DOCK1: variants seen among roughly 807,000 people sequenced by gnomAD.
The protein encoded by DOCK1 is dedicator of cytokinesis protein 1.
Under a neutral mutation model 262.7 loss-of-function variants are expected in DOCK1, and 138 were observed. The ratio of observed to expected loss-of-function variants is 0.53; its 90% confidence interval spans 0.46 to 0.61. The LOEUF (loss-of-function observed/expected upper bound fraction) is 0.61. Ranked by LOEUF, DOCK1 falls within the 20% of genes least tolerant of loss-of-function variation. The pLI is 0.00. For missense variants in DOCK1, 1,908 were observed against 2,370.7 expected (o/e 0.80, Z 4.05); for synonymous variants, 866 against 867.4 (o/e 1.00, Z 0.03).
chr10:127,346,319 G>T (rs536970208), intron 31 of DOCK1, among the ~76,000 whole-genome samples: 1 of 152,340 alleles, frequency 6.6e-6, no homozygotes, highest in South Asian at 2.1e-4. Context: ...ACTAACAGCG[G>T]TGCGGTGGCT....
intron 51 of DOCK1, 45 bp downstream of exon 51, chr10:127,447,590 A>G (rs1237139164): frequency 6.2e-7 from 1 of 1,601,254 alleles, no homozygotes; most frequent in Non-Finnish European, 8.5e-7. Context: ...CTTCGCCTCC[A>G]CAAAGTAGGA....
At position 127,343,718 on chromosome 10, in the gene DOCK1, A is replaced by G. The variant is rs747602279; in HGVS notation, c.3196A>G (p.Ser1066Gly). ...GTCCCTGCAACTGGAGAATTTTTCA[A>G]GTGCCAAGAGAGCCAAAATCCTTAA... ...QESLQLENFS[S>G]AKRAKILNKY... The change falls in exon 31 of 52, where the codon AGT becomes GGT. Residue 1066 changes from serine to glycine, a missense_variant. By Grantham distance (56) the Ser-to-Gly change is moderately conservative. Coordinates refer to ENST00000623213, the MANE Select transcript of DOCK1 (RefSeq NM_001290223.2). The G allele has an allele frequency of 1.9e-6, 3 of 1,610,034 alleles. No individual in the cohort carries two copies. The highest frequency in any genetic ancestry group is 1.3e-5 in the African/African-American group (1 of 75,032).
At chr10:127,223,787 C>A (rs550182337) in intron 27 of DOCK1, among the ~76,000 whole-genome samples, 1 of 152,224 alleles carries the variant, frequency 6.6e-6, no homozygotes, top group African/African-American at 2.4e-5. Flanking sequence ...TAAGAAGTGG[C>A]CTTTTTAGGC....
chr10:127,073,740 AG>A (rs2046362232), intron 23 of DOCK1, among the ~76,000 whole-genome samples: 3 of 152,262 alleles, frequency 2.0e-5, no homozygotes. Flanking sequence ...AAGACTGTGA[AG>A]TTGAAACAGA....
intron 21 of DOCK1, among the ~76,000 whole-genome samples, chr10:127,049,810 T>G (rs920626687): frequency 6.6e-6 from 1 of 152,076 alleles, no homozygotes; most frequent in African/African-American, 2.4e-5. Flanking sequence ...ATTTCAAGAT[T>G]TATTATTAAA....
Position 127,061,809 on chromosome 10 carries a change from CCTT to C in DOCK1, c.2445+37_2445+39del, listed in dbSNP as rs755134063. 4.7e-5 allele frequency: 71 copies of C among 1,514,324 alleles called. No individual in the cohort carries two copies. The African/African-American group carries it at 8.1e-4, about 17-fold the overall frequency. 93.8% of individuals were successfully genotyped at this position (1,514,324 alleles called of 1,614,324 possible). A position where few individuals can be genotyped will look rare whatever the true frequency, so the allele number is the denominator to read the frequency against. ...CCGGCCACTGCCAAGGCAGACTTCT[CCTT>C]CTTTTTTTCTTTCATTATCTCTTTT... On this transcript the variant is annotated intron_variant, in intron 23 of 51. Coordinates refer to ENST00000623213, the MANE Select transcript of DOCK1 (RefSeq NM_001290223.2).
chr10:127,066,606 C>T (rs2135880412), intron 23 of DOCK1, among the ~76,000 whole-genome samples: 1 of 152,264 alleles, frequency 6.6e-6, no homozygotes, highest in East Asian at 1.9e-4. Context: ...CCAGTGCGTT[C>T]CCCAGGAAAC....
chr10:127,128,230 A>G (rs1286224580), intron 27 of DOCK1: 1 of 152,190 alleles, frequency 6.6e-6, no homozygotes, highest in Non-Finnish European at 1.5e-5. Context: ...CAGTCCATCA[A>G]GTTTCTGATC....
intron 27 of DOCK1, among the ~76,000 whole-genome samples, chr10:127,219,256 A>G (rs1285111172): frequency 6.6e-6 from 1 of 152,208 alleles, no homozygotes; most frequent in Non-Finnish European, 1.5e-5. Context: ...ACACATCCCA[A>G]CAATTGTGAA....
intron 29 of DOCK1, among the ~76,000 whole-genome samples, chr10:127,262,221 T>TGTGC (rs1258450797): frequency 6.6e-6 from 1 of 150,606 alleles, no homozygotes; most frequent in African/African-American, 2.4e-5. Flanking sequence ...TGCGTGTGTG[T>TGTGC]GTGTGTGTAC....
At chr10:127,007,106 G>A (rs764250636) in intron 10 of DOCK1, among the ~76,000 whole-genome samples, 8 of 152,164 alleles carry the variant, frequency 5.3e-5, no homozygotes, top group Admixed American at 3.3e-4. Flanking sequence ...CATCCTCTGA[G>A]CAGCTGTCAT....
chr10:127,059,805 C>G (rs1038373465), intron 22 of DOCK1, among the ~76,000 whole-genome samples: 3 of 151,828 alleles, frequency 2.0e-5, no homozygotes, highest in Non-Finnish European at 2.9e-5. Flanking sequence ...TCTCTTTTTC[C>G]TCTTTCACTT....
intron 29 of DOCK1, among the ~76,000 whole-genome samples, chr10:127,264,875 C>G (rs1419486296): frequency 6.6e-6 from 1 of 152,106 alleles, no homozygotes; most frequent in Non-Finnish European, 1.5e-5. Context: ...CGCCATATGG[C>G]GCAGGCTGGT....
chr10:127,184,321 C>T (rs533613747), intron 27 of DOCK1, among the ~76,000 whole-genome samples: 4 of 151,042 alleles, frequency 2.6e-5, no homozygotes, highest in African/African-American at 9.8e-5. Flanking sequence ...ATTCCCCCCC[C>T]AGTCTAATCC....
chr10:126,982,822 T>A (rs2039079475), intron 4 of DOCK1, among the ~76,000 whole-genome samples: 1 of 152,104 alleles, frequency 6.6e-6, no homozygotes, highest in African/African-American at 2.4e-5. Context: ...GTATGCAAAG[T>A]TTTAAAGGGA....
At chr10:127,231,960 G>A (rs2058857881) in intron 27 of DOCK1, among the ~76,000 whole-genome samples, 1 of 152,140 alleles carries the variant, frequency 6.6e-6, no homozygotes, top group South Asian at 2.1e-4. Context: ...CAAAACCAAG[G>A]TCCCTGCACA....
At chr10:127,049,089 GA>G (rs2044536217) in intron 21 of DOCK1, among the ~76,000 whole-genome samples, 1 of 152,068 alleles carries the variant, frequency 6.6e-6, no homozygotes. Flanking sequence ...AAGCCCTCCT[GA>G]ATCTATTTTA....
Position 127,018,822 on chromosome 10 carries a change from GAT to G in DOCK1, c.1316_1317del (p.Ile439AsnfsTer5). 6.2e-7 allele frequency: 1 copy of G among 1,613,938 alleles called. No individual in the cohort carries two copies. The highest frequency in any genetic ancestry group is 8.5e-7 in the Non-Finnish European group (1 of 1,179,870). On this transcript the variant is annotated frameshift_variant, in exon 13 of 52. Transcript: ENST00000623213. LOFTEE classifies it high-confidence loss of function. ...AVARKTGFPE[I>X]IMPGDVRNDI... is the part of the protein sequence containing the mutation. ...TGGCTCGAAAAACAGGGTTTCCGGA[GAT>G]AATCATGCCTGGTAAGAACTGGCTT...
intron 1 of DOCK1, among the ~76,000 whole-genome samples, chr10:126,913,556 G>T (rs2032119488): frequency 6.6e-6 from 1 of 152,210 alleles, no homozygotes. Flanking sequence ...TGGGGCAAGG[G>T]AGGGGGCTTG....
Sources: allele counts gnomAD v4.1 joint callset (sites outside exome capture counted in the v4.1 genomes callset), GRCh38; gene constraint gnomAD v4.1.1; transcripts MANE v1.5; gene names NCBI Gene and HGNC (gene_info 2026-07-23, HGNC 2026-07-21).